The following CDH4 variants were observed in gnomAD, a reference collection of about 807,000 sequenced individuals.
CDH4 encodes cadherin 4.
Under a neutral mutation model 86.0 loss-of-function variants are expected in CDH4, and 33 were observed. The ratio of observed to expected loss-of-function variants is 0.38; its 90% CI spans 0.29 to 0.51. The LOEUF (loss-of-function observed/expected upper bound fraction) is 0.51. Ranked by LOEUF, CDH4 falls within the 20% of genes least tolerant of loss-of-function variation. CDH4 has a pLI of 0.86. For synonymous variants in CDH4, 555 were observed against 549.4 expected, an observed-to-expected ratio of 1.01 and a Z score of -0.14; for missense variants, 1,114 against 1,307.4, an observed-to-expected ratio of 0.85 and a Z score of 2.28.
chr20:61,366,117 G>A (rs2084809866), intron 2 of CDH4, among the ~76,000 whole-genome samples: 1 of 152,210 alleles, frequency 6.6e-6, no homozygotes, highest in African/African-American at 2.4e-5. Context: ...AGTGTCCTGT[G>A]GGAAGAGGTT....
chr20:61,330,140 A>G (rs111302816), intron 2 of CDH4, among the ~76,000 whole-genome samples: 5,759 of 152,270 alleles, frequency 0.038, 153 homozygotes, highest in Middle Eastern at 0.075. Context: ...TAGGGCTGCA[A>G]TGAACATACG....
intron 2 of CDH4, among the ~76,000 whole-genome samples, chr20:61,568,874 G>A (rs2086320884): frequency 1.3e-5 from 2 of 152,188 alleles, no homozygotes; most frequent in South Asian, 2.1e-4. Flanking sequence ...TTTCTTCACT[G>A]CTTTCTCCCC....
intron 5 of CDH4, 49 bp from the exon 6 acceptor site, chr20:61,852,705 A>C (rs1982781667): frequency 6.3e-7 from 1 of 1,584,786 alleles, no homozygotes; most frequent in Non-Finnish European, 8.6e-7. Context: ...CTCTCAGCTG[A>C]GTGGGGGTGC....
intron 2 of CDH4, among the ~76,000 whole-genome samples, chr20:61,323,128 T>C (rs1400440088): frequency 6.6e-6 from 1 of 152,186 alleles, no homozygotes; most frequent in Non-Finnish European, 1.5e-5. Flanking sequence ...GGCAAGAGGA[T>C]AGCAAGGAGG....
At chr20:61,903,022 A>T (rs2054745692) in intron 8 of CDH4, among the ~76,000 whole-genome samples, 1 of 150,698 alleles carries the variant, frequency 6.6e-6, no homozygotes. Flanking sequence ...GTCTCAAAAA[A>T]AAAAAAAAAA....
intron 2 of CDH4, among the ~76,000 whole-genome samples, chr20:61,656,585 G>A (rs76893171): frequency 0.027 from 4,090 of 152,222 alleles, 193 homozygotes; most frequent in African/African-American, 0.092. Flanking sequence ...AGTGTGCGTC[G>A]TCAGGCTTCT....
chr20:61,574,012 C>G (rs1226401587), intron 2 of CDH4, among the ~76,000 whole-genome samples: 1 of 152,154 alleles, frequency 6.6e-6, no homozygotes, highest in Non-Finnish European at 1.5e-5. Flanking sequence ...TGTGAGGGCC[C>G]CAGAAGCCCC....
intron 4 of CDH4, among the ~76,000 whole-genome samples, chr20:61,819,439 C>T (rs1197843740): frequency 2.0e-5 from 3 of 152,140 alleles, no homozygotes; most frequent in Non-Finnish European, 4.4e-5. Flanking sequence ...TCCATGCATT[C>T]GCATTCTGCA....
At chr20:61,331,815 G>T (rs2084582286) in intron 2 of CDH4, among the ~76,000 whole-genome samples, 1 of 146,608 alleles carries the variant, frequency 6.8e-6, no homozygotes, top group African/African-American at 2.5e-5. Context: ...GTTCTCATCT[G>T]CTGGCTTTCT....
At chr20:61,407,110 C>A (rs1444376341) in intron 2 of CDH4, among the ~76,000 whole-genome samples, 1 of 152,224 alleles carries the variant, frequency 6.6e-6, no homozygotes, top group East Asian at 1.9e-4. Flanking sequence ...ACTGTCCCCA[C>A]CAAGCAAAGA....
intron 13 of CDH4, 38 bp from the exon 14 acceptor site, chr20:61,932,947 C>T (rs770841229): frequency 2.3e-5 from 37 of 1,597,554 alleles, no homozygotes; most frequent in Non-Finnish European, 2.9e-5. Context: ...TGCGCACACC[C>T]GCAGCACACC....
chr20:61,577,046 T>A (rs572659902), intron 2 of CDH4, among the ~76,000 whole-genome samples: 1 of 152,222 alleles, frequency 6.6e-6, no homozygotes, highest in South Asian at 2.1e-4. Flanking sequence ...CACATAAATG[T>A]TTTGTGTGTT....
At position 61,681,525 on chromosome 20, in the gene CDH4, G is replaced by T. The variant is rs977741764; in HGVS notation, c.170-62038G>T. ...AATCCTTGGAACTTGATAACTGTGT[G>T]CATTTTAAGGAATCTGTTAGCTCCC... On this transcript the variant is annotated intron_variant, in intron 2 of 15. Transcript: ENST00000614565. This position sits in a 1 kb window ranked among gnomAD's most constrained non-coding sequence, Gnocchi z 4.5. Among the ~76,000 whole-genome samples the T allele has an allele frequency of 6.6e-6, 1 of 152,200 alleles. No individual in the cohort carries two copies. Among genetic ancestry groups the T allele is most frequent in the Admixed American group, 6.5e-5 (1 of 15,282 alleles).
intron 2 of CDH4, among the ~76,000 whole-genome samples, chr20:61,502,965 C>T (rs1465254531): frequency 2.6e-5 from 4 of 152,206 alleles, no homozygotes; most frequent in Non-Finnish European, 5.9e-5. Context: ...GTGAGCATTT[C>T]TGCACGCCAA....
intron 2 of CDH4, among the ~76,000 whole-genome samples, chr20:61,515,645 G>A (rs993144686): frequency 2.0e-5 from 3 of 152,152 alleles, no homozygotes; most frequent in African/African-American, 7.2e-5. Context: ...GAAGTCCCAG[G>A]CACAAATGTC....
intron 3 of CDH4, among the ~76,000 whole-genome samples, chr20:61,747,085 G>C (rs2088423563): frequency 6.6e-6 from 1 of 152,312 alleles, no homozygotes; most frequent in East Asian, 1.9e-4. Flanking sequence ...TCGGCCTCAT[G>C]ACTGGGCACA....
At chr20:61,329,177 C>CA in intron 2 of CDH4, among the ~76,000 whole-genome samples, 1 of 152,086 alleles carries the variant, frequency 6.6e-6, no homozygotes, top group East Asian at 1.9e-4. Context: ...ATCATAAAGT[C>CA]AAAAAATTGT....
intron 7 of CDH4, among the ~76,000 whole-genome samples, chr20:61,877,099 C>A (rs1984060596): frequency 6.6e-6 from 1 of 152,150 alleles, no homozygotes; most frequent in Non-Finnish European, 1.5e-5. Flanking sequence ...CCTCCCTGGG[C>A]CAGGCATTCC....
chr20:61,255,265 T>C (rs2084092540), intron 2 of CDH4, among the ~76,000 whole-genome samples: 1 of 152,264 alleles, frequency 6.6e-6, no homozygotes, highest in South Asian at 2.1e-4. Flanking sequence ...AAATTATCCC[T>C]GCTTTGAAAT....
Sources: gnomAD v4.1 joint callset for allele counts (sites outside exome capture counted in the v4.1 genomes callset) on GRCh38, gnomAD v4.1.1 for gene constraint, Gnocchi (gnomAD v3.1) non-coding constraint, MANE v1.5 for transcripts, NCBI Gene and HGNC (gene_info 2026-07-23, HGNC 2026-07-21) for gene names.